NOTCH2NLR: variants seen among roughly 807,000 people sequenced by gnomAD.
NOTCH2NLR encodes the protein notch 2 N-terminal like R (pseudogene).
A neutral mutation model predicts 35.6 loss-of-function variants in NOTCH2NLR; 33 were observed. The ratio of observed to expected loss-of-function variants is 0.93; its 90% confidence interval spans 0.70 to 1.24. NOTCH2NLR has a LOEUF of 1.24. Among genes scored for constraint, NOTCH2NLR ranks in the 50% most tolerant of loss-of-function variants. The probability of loss-of-function intolerance (pLI) is 0.00; values close to 1 mark genes in which losing one functional copy is unlikely to be tolerated. For synonymous variants in NOTCH2NLR, 103 were observed against 141.0 expected, an observed-to-expected ratio of 0.73 and a Z score of 1.91; for missense variants, 276 against 362.2, an observed-to-expected ratio of 0.76 and a Z score of 1.93.
chr1:120,793,064 TCTC>T (rs1651510821), intron 3 of NOTCH2NLR, 94 bp from the exon 4 acceptor site: 2 of 615,890 alleles, frequency 3.2e-6, no homozygotes, highest in Non-Finnish European at 5.5e-6. Flanking sequence ...GTTGAGGTCT[TCTC>T]CACGCAAGAG....
chr1:120,726,096 TTAAA>T (rs1468815809), intron 1 of NOTCH2NLR, among the ~76,000 whole-genome samples: 1 of 99,672 alleles, frequency 1.0e-5, no homozygotes, highest in Non-Finnish European at 1.8e-5. Flanking sequence ...AAATTAAGTA[TTAAA>T]TAATATGTCA....
chr1:120,723,981 G>T lies in NOTCH2NLR; in HGVS notation c.-197G>T, dbSNP rs2101330290. The T allele has an allele frequency of 7.7e-6, 9 of 1,174,658 alleles. 1 individual carries two copies. The East Asian group carries it at 2.6e-4, about 33-fold the overall frequency. The allele number at this position is 1,174,658 out of a possible 1,614,324, so 72.8% of individuals were successfully genotyped here. A position where few individuals can be genotyped will look rare whatever the true frequency, so the allele number is the denominator to read the frequency against. On this transcript the variant is annotated 5_prime_UTR_variant, in exon 1 of 5. The change creates a new upstream start codon in the 5' untranslated region. Coordinates refer to ENST00000624419, the Ensembl canonical transcript of NOTCH2NLR. ...CGGCGGCGGCTGAGGCGGCGGCCGAGGAGCGGCGGACTCGGGGCGCGGGGA... is the reference window on the plus strand; with the variant it reads ...CGGCGGCGGCTGAGGCGGCGGCCGATGAGCGGCGGACTCGGGGCGCGGGGA...
chr1:120,732,474 CAA>C (rs1360488796), intron 1 of NOTCH2NLR, among the ~76,000 whole-genome samples: 1 of 76,878 alleles, frequency 1.3e-5, no homozygotes. Flanking sequence ...TGGTAAGTAG[CAA>C]AGACATTTTT....
In NOTCH2NLR at chr1:120,785,055, T is replaced by C; in HGVS notation, c.237T>C (p.Cys79=). Reference sequence around the variant, plus strand: ...ACCGCTGCCAGAATGGTGGGACTTGTGTGGCCCAGGCCATGCTGGGGAAAG... The same window carrying C: ...ACCGCTGCCAGAATGGTGGGACTTGCGTGGCCCAGGCCATGCTGGGGAAAG... Residue 79 remains cysteine, a synonymous_variant, in exon 3 of 5, where the codon TGT becomes TGC. Transcript: ENST00000624419. 7 of 1,445,852 alleles carry C rather than the reference T, an allele frequency of 4.8e-6. 1 individual carries two copies. In the Admixed American group the frequency reaches 1.2e-4, roughly 24 times the overall value. 89.6% of individuals were successfully genotyped at this position (1,445,852 alleles called of 1,614,324 possible).
exon 3 of NOTCH2NLR, chr1:120,785,189 T>C: frequency 6.9e-7 from 1 of 1,445,372 alleles, no homozygotes; most frequent in Non-Finnish European, 9.2e-7. Context: ...TGCCATATGC[T>C]CAGCCGGGAT....
chr1:120,767,823 G>A (rs1184797809), intron 2 of NOTCH2NLR, among the ~76,000 whole-genome samples: 1 of 110,278 alleles, frequency 9.1e-6, no homozygotes, highest in Non-Finnish European at 1.7e-5. Flanking sequence ...GGATTCTGGG[G>A]GTAGGTTAGG....
Position 120,793,773 on chromosome 1 carries a change from G to C in NOTCH2NLR, c.778G>C (p.Ala260Pro), listed in dbSNP as rs1252055643. The C allele has an allele frequency of 1.1e-5, 11 of 1,008,274 alleles. 3 individuals carry two copies. The highest frequency in any genetic ancestry group is 7.1e-5 in the African/African-American group (2 of 28,052). The allele number at this position is 1,008,274 out of a possible 1,614,324, so 62.5% of individuals were successfully genotyped here. A position where few individuals can be genotyped will look rare whatever the true frequency, so the allele number is the denominator to read the frequency against. ...AACAGTGAGAAATAAGAGGAACAGAGCTCTGGGAAAGAGACAGGCAAGTCT... is the reference window on the plus strand; with the variant it reads ...AACAGTGAGAAATAAGAGGAACAGACCTCTGGGAAAGAGACAGGCAAGTCT... Residue 260 changes from alanine to proline, a missense_variant, in exon 5 of 5, where the codon GCT becomes CCT. Transcript: ENST00000624419.
intron 2 of NOTCH2NLR, among the ~76,000 whole-genome samples, chr1:120,778,047 A>C (rs1651318023): frequency 1.1e-5 from 1 of 88,146 alleles, no homozygotes; most frequent in Admixed American, 1.1e-4. Flanking sequence ...GGTTCCAGCT[A>C]GCCTTGGCTG....
intron 2 of NOTCH2NLR, among the ~76,000 whole-genome samples, chr1:120,763,911 C>T (rs1240130786): frequency 9.6e-6 from 1 of 104,260 alleles, no homozygotes; most frequent in Non-Finnish European, 1.8e-5. Context: ...TTACTGTTAT[C>T]TTTCTCACTA....
At position 120,777,802 on chromosome 1, in the gene NOTCH2NLR, A is replaced by G. The variant is rs1161733773; in HGVS notation, c.156-7172A>G. Among the ~76,000 whole-genome samples, 5 of 108,464 alleles carry G rather than the reference A, an allele frequency of 4.6e-5. 2 individuals are homozygous for G. Among genetic ancestry groups the G allele is most frequent in the African/African-American group, 2.3e-4 (4 of 17,380 alleles). 71.2% of individuals were successfully genotyped at this position (108,464 alleles called of 152,430 possible). On this transcript the variant is annotated intron_variant, in intron 2 of 4. Transcript: ENST00000624419. ...GCATGTTTTTAAAACAAAGTTGGTA[A>G]TTAGCATAACCTAGTTAGTTACCTT...
At position 120,765,305 on chromosome 1, in the gene NOTCH2NLR, CT is replaced by C. The variant is rs1651179194; in HGVS notation, c.155+1599del. Reference sequence around the variant, plus strand: ...TGGCATTTGGTGCCTTAGTTGCTTGCTTTATTCTGTTATGCAACTCTTGTGG... The same window carrying C: ...TGGCATTTGGTGCCTTAGTTGCTTGCTTATTCTGTTATGCAACTCTTGTGG... On this transcript the variant is annotated intron_variant, in intron 2 of 4. Transcript: ENST00000624419. 4.9e-5 allele frequency among the ~76,000 whole-genome samples: 3 copies of C among 61,754 alleles called. No individual in the cohort carries two copies. The Admixed American group carries it at 5.1e-4, about 11-fold the overall frequency. 40.5% of individuals were successfully genotyped at this position (61,754 alleles called of 152,430 possible). A position where few individuals can be genotyped will look rare whatever the true frequency, so the allele number is the denominator to read the frequency against.
chr1:120,784,976 G>T, exon 3 of NOTCH2NLR: 1 of 1,409,548 alleles, frequency 7.1e-7, no homozygotes, highest in South Asian at 1.2e-5. Context: ...CCATACAGAT[G>T]TCCAGAAGGC....
chr1:120,793,292 G>A, exon 4 of NOTCH2NLR: 2 of 1,395,510 alleles, frequency 1.4e-6, no homozygotes, highest in Admixed American at 2.0e-5. Flanking sequence ...TGAGACTGAT[G>A]TCAATGAGTG....
In NOTCH2NLR at chr1:120,785,210, G is replaced by GC. The variant is rs1288038209; in HGVS notation, c.393dup (p.Thr132HisfsTer9). ...ATGCTCAGCCGGGATACCTATGAGT[G>GC]CACCTGTCAAGTCGGGTTTACAGGT... On this transcript the variant is annotated frameshift_variant, in exon 3 of 5. Coordinates refer to ENST00000624419, the Ensembl canonical transcript of NOTCH2NLR. LOFTEE classifies it high-confidence loss of function. The GC allele has an allele frequency of 4.8e-6, 7 of 1,445,448 alleles. 2 individuals are homozygous for GC. The highest frequency in any genetic ancestry group is 6.5e-6 in the Non-Finnish European group (7 of 1,081,540). 89.5% of individuals were successfully genotyped at this position (1,445,448 alleles called of 1,614,324 possible). A position where few individuals can be genotyped will look rare whatever the true frequency, so the allele number is the denominator to read the frequency against.
At chr1:120,758,991 G>A (rs1651105263) in intron 1 of NOTCH2NLR, among the ~76,000 whole-genome samples, 1 of 110,840 alleles carries the variant, frequency 9.0e-6, no homozygotes, top group African/African-American at 5.6e-5. Flanking sequence ...GCTTATTACT[G>A]TCCTAAATTA....
In NOTCH2NLR at chr1:120,778,610, T is replaced by A. The variant is rs1456235597; in HGVS notation, c.156-6364T>A. ...TTTTTGAATGGCCAAATCCTCGTTT[T>A]AAAAAAAAAAAAAAAAAAAAAAGCT... On this transcript the variant is annotated intron_variant, in intron 2 of 4. Transcript: ENST00000624419. Among the ~76,000 whole-genome samples, 12 of 37,922 alleles carry A rather than the reference T, an allele frequency of 3.2e-4. 1 individual carries two copies. The highest frequency in any genetic ancestry group is 6.3e-4 in the Admixed American group (2 of 3,162). 24.9% of individuals were successfully genotyped at this position (37,922 alleles called of 152,430 possible).
At chr1:120,767,742 T>C (rs1228766177) in intron 2 of NOTCH2NLR, among the ~76,000 whole-genome samples, 1 of 116,238 alleles carries the variant, frequency 8.6e-6, no homozygotes, top group East Asian at 2.1e-4. Flanking sequence ...TGTTGTTTGC[T>C]TCAGACTTTC....
chr1:120,764,276 AT>A (rs1651165822), intron 2 of NOTCH2NLR, among the ~76,000 whole-genome samples: 7 of 107,952 alleles, frequency 6.5e-5, no homozygotes, highest in African/African-American at 2.9e-4. Flanking sequence ...ATATAAAAAA[AT>A]ATATATTAGA....
intron 1 of NOTCH2NLR, among the ~76,000 whole-genome samples, chr1:120,752,554 AT>A (rs1188849971): frequency 2.7e-3 from 10 of 3,744 alleles, no homozygotes; most frequent in African/African-American, 3.4e-3. Context: ...ATATATATAT[AT>A]TTTTTTTTTT....
Sources: allele counts gnomAD v4.1 joint callset (sites outside exome capture counted in the v4.1 genomes callset), GRCh38; gene constraint gnomAD v4.1.1; transcripts MANE v1.5; gene names NCBI Gene and HGNC (gene_info 2026-07-23, HGNC 2026-07-21).